ARNT: variants seen among roughly 807,000 people sequenced by gnomAD.
ARNT encodes the protein aryl hydrocarbon receptor nuclear translocator, also known as class E basic helix-loop-helix protein 2.
A neutral mutation model predicts 105.0 loss-of-function variants in ARNT; 30 were observed. That is an observed-to-expected ratio of 0.29 (90% confidence interval 0.21 to 0.39). The LOEUF (loss-of-function observed/expected upper bound fraction) is 0.39, where lower values mean the gene tolerates loss of function less well. Among genes scored for constraint, ARNT ranks in the 10% least tolerant of loss-of-function variants. ARNT has a pLI of 1.00. For missense variants in ARNT, 748 were observed against 978.7 expected (o/e 0.76, Z 3.15); for synonymous variants, 304 against 344.0 (o/e 0.88, Z 1.29).
At chr1:150,825,795 G>A (rs919252417) in intron 13 of ARNT, among the ~76,000 whole-genome samples, 1 of 151,174 alleles carries the variant, frequency 6.6e-6, no homozygotes, top group Non-Finnish European at 1.5e-5. Flanking sequence ...GTTACAATGA[G>A]CTGAGATTGC....
At chr1:150,842,332 A>C in intron 5 of ARNT, 92 bp downstream of exon 5, 10 of 1,523,402 alleles carry the variant, frequency 6.6e-6, no homozygotes, top group Non-Finnish European at 8.8e-6. Flanking sequence ...GGAAAAATAC[A>C]AAGAGAAAGG....
intron 3 of ARNT, among the ~76,000 whole-genome samples, chr1:150,852,010 T>C (rs1460045585): frequency 6.7e-6 from 1 of 149,666 alleles, no homozygotes; most frequent in Non-Finnish European, 1.5e-5. Context: ...ATTGCACCAC[T>C]GCACTCCTGG....
In ARNT at chr1:150,810,750, G is replaced by T; in HGVS notation, c.*1271C>A. 4.5e-6 allele frequency: 1 copy of T among 220,648 alleles called. No homozygotes were observed. The allele number at this position is 220,648 out of a possible 1,614,324, so 13.7% of individuals were successfully genotyped here. On this transcript the variant is annotated 3_prime_UTR_variant, in exon 22 of 22. Transcript: ENST00000358595. ...TTGTTAATTACCAAGTGACCCTGTT[G>T]AGATGGGTGTCCAGGCCCCATCTAT...
At chr1:150,847,446 A>AAAG (rs1662454670) in intron 3 of ARNT, among the ~76,000 whole-genome samples, 1 of 150,140 alleles carries the variant, frequency 6.7e-6, no homozygotes, top group Non-Finnish European at 1.5e-5. Context: ...AAAAAAAAAA[A>AAAG]GAAGGGGGAA....
intron 2 of ARNT, among the ~76,000 whole-genome samples, chr1:150,856,623 C>T (rs1025321692): frequency 1.1e-4 from 16 of 151,408 alleles, no homozygotes; most frequent in Admixed American, 7.9e-4. Context: ...ATTAGCTGGG[C>T]GTGGTGGCGC....
In ARNT at chr1:150,831,821, C is replaced by T; in HGVS notation, c.952G>A (p.Ala318Thr). ...ATTTACTATTTCACTTTCTTACCTGCTGGGGGCCAGGCCTTGATGTAGCCT... is the reference window on the plus strand; with the variant it reads ...ATTTACTATTTCACTTTCTTACCTGTTGGGGGCCAGGCCTTGATGTAGCCT... ...CTGYIKAWPP[A>T]GVSLPDDDPE... is the part of the protein sequence containing the mutation. Residue 318 changes from alanine (A) to threonine (T), a missense_variant, in exon 10 of 22, where the codon GCA becomes ACA. Ala to Thr is a moderately conservative substitution (Grantham distance 58). This residue lies in a region of ARNT where 291 missense variants were observed against 444.6 expected (regional missense o/e 0.65). Transcript: ENST00000358595. 1 of 1,605,296 alleles carries T rather than the reference C, an allele frequency of 6.2e-7. No individual in the cohort carries two copies. The highest frequency in any genetic ancestry group is 8.5e-7 in the Non-Finnish European group (1 of 1,176,808).
At chr1:150,876,443 C>T in intron 1 of ARNT, 100 bp downstream of exon 1, 1 of 1,504,784 alleles carries the variant, frequency 6.6e-7, no homozygotes, top group Non-Finnish European at 8.9e-7. Flanking sequence ...CGCCCCGGCG[C>T]CTTCAGCTCC....
Position 150,816,801 on chromosome 1 carries a change from C to T in ARNT, c.1789G>A (p.Ala597Thr). The change falls in exon 18 of 22, where the codon GCA becomes ACA. Residue 597 changes from alanine to threonine, a missense_variant. Physicochemically the swap from Ala to Thr is moderately conservative, Grantham distance 58 (BLOSUM62 0). Around this residue, in one of 4 missense-constraint regions of ARNT, gnomAD observed 360 missense variants for 411.9 expected, o/e 0.87. Transcript: ENST00000358595. ...TACGGGGCTCACCTGAAATTCTCTG[C>T]CGGCCGGGGGGTAGGAGGGAATGTG... ...GNTFPPTPRP[A>T]ENFRNSGLAP... is the part of the protein sequence containing the mutation. The T allele has an allele frequency of 6.3e-7, 1 of 1,580,480 alleles. No individual in the cohort carries two copies. The highest frequency in any genetic ancestry group is 1.4e-5 in the African/African-American group (1 of 72,490).
chr1:150,859,344 CTTT>C (rs587772891), intron 1 of ARNT, among the ~76,000 whole-genome samples: 11 of 133,854 alleles, frequency 8.2e-5, no homozygotes, highest in Non-Finnish European at 8.1e-5. Context: ...CAGCTGAGTA[CTTT>C]TTTTTTTTTT....
intron 1 of ARNT, among the ~76,000 whole-genome samples, chr1:150,866,178 T>C (rs1666554881): frequency 6.6e-6 from 1 of 152,084 alleles, no homozygotes; most frequent in Non-Finnish European, 1.5e-5. Flanking sequence ...AGACGGGGTT[T>C]CACCATGTTG....
intron 3 of ARNT, among the ~76,000 whole-genome samples, chr1:150,850,628 G>A (rs989809065): frequency 3.4e-4 from 51 of 152,200 alleles, no homozygotes; most frequent in Non-Finnish European, 6.9e-4. Flanking sequence ...ATCTCGGCTC[G>A]CTACAACCTC....
chr1:150,860,816 C>T (rs587652214), intron 1 of ARNT, among the ~76,000 whole-genome samples: 2 of 151,804 alleles, frequency 1.3e-5, no homozygotes, highest in East Asian at 4.0e-4. Flanking sequence ...AAGATCGCAC[C>T]ACTGCACTCC....
At chr1:150,832,526 G>A in intron 8 of ARNT, 127 bp from the exon 9 acceptor site, 1 of 847,006 alleles carries the variant, frequency 1.2e-6, no homozygotes, top group South Asian at 1.6e-5. Flanking sequence ...TACTAATAAT[G>A]AAGGATAAAG....
At chr1:150,842,655 G>A (rs1363002466) in intron 4 of ARNT, among the ~76,000 whole-genome samples, 187 bp from the exon 5 acceptor site, 1 of 151,392 alleles carries the variant, frequency 6.6e-6, no homozygotes. Context: ...GAGGGAAATG[G>A]AATTATAGGC....
chr1:150,837,488 T>C (rs1384267961), intron 6 of ARNT, among the ~76,000 whole-genome samples: 1 of 152,188 alleles, frequency 6.6e-6, no homozygotes, highest in Non-Finnish European at 1.5e-5. Context: ...TCAACCTCTC[T>C]GCAGAATGTG....
intron 5 of ARNT, 140 bp from the exon 6 acceptor site, chr1:150,839,794 A>G: frequency 2.2e-6 from 2 of 914,164 alleles, no homozygotes; most frequent in East Asian, 5.3e-5. Context: ...AGCAGTTAAA[A>G]TAAGGTTTGC....
At position 150,824,763 on chromosome 1, in the gene ARNT, C is replaced by T. The variant is rs1293381113; in HGVS notation, c.1243-1418G>A. 2.0e-5 allele frequency among the ~76,000 whole-genome samples: 3 copies of T among 152,122 alleles called. No homozygotes were observed. The Middle Eastern group carries it at 0.01, about 517-fold the overall frequency. ...AGCCACTGCACCCAGATGAGAGCAT[C>T]TGTTTTCACAGCATCTACAGAGGTT... On this transcript the variant is annotated intron_variant, in intron 13 of 21. Coordinates refer to ENST00000358595, the MANE Select transcript of ARNT (RefSeq NM_001668.4).
chr1:150,843,324 T>C (rs1037571124), intron 4 of ARNT, among the ~76,000 whole-genome samples: 1 of 152,180 alleles, frequency 6.6e-6, no homozygotes, highest in African/African-American at 2.4e-5. Flanking sequence ...TGGCAGGCCA[T>C]TGTGTCAGGA....
chr1:150,853,264 A>G, intron 2 of ARNT: 1 of 380,842 alleles, frequency 2.6e-6, no homozygotes, highest in South Asian at 1.9e-5. Flanking sequence ...CTGGGCGACA[A>G]CTGCAAGACT....
Sources: allele counts gnomAD v4.1 joint callset (sites outside exome capture counted in the v4.1 genomes callset), GRCh38; gene constraint gnomAD v4.1.1; regional missense constraint gnomAD v4.1.1; transcripts MANE v1.5; gene names NCBI Gene and HGNC (gene_info 2026-07-23, HGNC 2026-07-21).